The following ALOX12 variants were observed in gnomAD, a reference collection of about 807,000 sequenced individuals.
ALOX12 encodes arachidonate 12-lipoxygenase, 12S type, also known as polyunsaturated fatty acid lipoxygenase ALOX12.
In ALOX12, 62 loss-of-function variants were observed where a neutral mutation model predicts 85.5. The ratio of observed to expected loss-of-function variants is 0.73; its 90% CI spans 0.59 to 0.90. The LOEUF (loss-of-function observed/expected upper bound fraction) is 0.90. Among genes scored for constraint, ALOX12 ranks in the 40% least tolerant of loss-of-function variants. The pLI is 0.00. For missense variants in ALOX12, 751 were observed against 856.5 expected, an observed-to-expected ratio of 0.88 and a Z score of 1.54; for synonymous variants, 299 against 332.7, an observed-to-expected ratio of 0.90 and a Z score of 1.10.
Position 6,996,105 on chromosome 17 carries a change from G to C in ALOX12, c.-13G>C, listed in dbSNP as rs1908414144. On this transcript the variant is annotated 5_prime_UTR_variant, in exon 1 of 14. Transcript: ENST00000251535. ...GGACCCGGCTCCCCTCGCCTAAGCT[G>C]CTGGGGGGCGCCATGGGCCGCTACC... The C allele has an allele frequency of 3.2e-6, 4 of 1,247,538 alleles. No individual in the cohort carries two copies. Among genetic ancestry groups the C allele is most frequent in the Non-Finnish European group, 2.0e-6 (2 of 989,446 alleles). The allele number at this position is 1,247,538 out of a possible 1,614,324, so 77.3% of individuals were successfully genotyped here.
intron 7 of ALOX12, 35 bp from the exon 8 acceptor site, chr17:7,001,567 C>T (rs369334699): frequency 2.8e-5 from 43 of 1,548,412 alleles, no homozygotes; most frequent in African/African-American, 6.8e-5. Flanking sequence ...ATGTCATATA[C>T]GGAATGGGAG....
rs765223473 is a variant in ALOX12, at chr17:7,000,214, C to A, written c.808-122C>A. The A allele has an allele frequency of 1.7e-6, 2 of 1,185,708 alleles. No homozygotes were observed. Among genetic ancestry groups the A allele is most frequent in the Non-Finnish European group, 2.4e-6 (2 of 832,046 alleles). The allele number at this position is 1,185,708 out of a possible 1,614,324, so 73.4% of individuals were successfully genotyped here. On this transcript the variant is annotated intron_variant, in intron 6 of 13. Transcript: ENST00000251535. The surrounding 1 kb of genome is among the most constrained non-coding windows in gnomAD (Gnocchi z 4.6). Reference sequence around the variant, plus strand: ...GGACCAGGGGCTCTAGTTCTCCCAACAGGGCTCCGGTACTGATGCAGGAGA... The same window carrying A: ...GGACCAGGGGCTCTAGTTCTCCCAAAAGGGCTCCGGTACTGATGCAGGAGA...
chr17:7,009,482 G>A (rs1404045335), intron 11 of ALOX12: 1 of 417,892 alleles, frequency 2.4e-6, no homozygotes, highest in African/African-American at 2.0e-5. Context: ...TACAGACCAG[G>A]TGATTTTGAT....
At chr17:7,009,193 G>C (rs1316041654) in intron 11 of ALOX12, among the ~76,000 whole-genome samples, 1 of 151,686 alleles carries the variant, frequency 6.6e-6, no homozygotes, top group African/African-American at 2.4e-5. Flanking sequence ...CCGAGTACCT[G>C]GGACTACAGG....
Position 6,996,239 on chromosome 17 carries a change from C to CGG in ALOX12, c.122_123insGG (p.Glu45AlafsTer20). Reference sequence around the variant, plus strand: ...GCGGAGCTGGAGCTGCAGCTGCGGCCCGCGCGGGGCGAGGTCAGCGCGGGG... The same window carrying CGG: ...GCGGAGCTGGAGCTGCAGCTGCGGCCGGCGCGCGGGGCGAGGTCAGCGCGGGG... On this transcript the variant is annotated frameshift_variant, in exon 1 of 14. Coordinates refer to ENST00000251535, the MANE Select transcript of ALOX12 (RefSeq NM_000697.3). LOFTEE classifies it high-confidence loss of function. The CGG allele has an allele frequency of 8.0e-7, 1 of 1,246,516 alleles. No homozygotes were observed. Among genetic ancestry groups the CGG allele is most frequent in the Non-Finnish European group, 1.0e-6 (1 of 989,666 alleles). 77.2% of individuals were successfully genotyped at this position (1,246,516 alleles called of 1,614,324 possible). A position where few individuals can be genotyped will look rare whatever the true frequency, so the allele number is the denominator to read the frequency against.
intron 2 of ALOX12, among the ~76,000 whole-genome samples, chr17:6,997,431 A>G (rs1265329102): frequency 1.3e-5 from 2 of 152,166 alleles, no homozygotes; most frequent in Non-Finnish European, 2.9e-5. Context: ...GCAGACAGCT[A>G]AGGGAAGAAA....
chr17:6,996,783 C>G (rs41388649), intron 1 of ALOX12, 43 bp from the exon 2 acceptor site: 2 of 1,568,772 alleles, frequency 1.3e-6, no homozygotes, highest in Non-Finnish European at 1.7e-6. Flanking sequence ...CGGCCTCAGT[C>G]GGGTCCCTCC....
rs1908712115 is a variant in ALOX12 at position 7,001,585 on chromosome 17, A to T, written c.952-17A>T. The T allele has an allele frequency of 6.2e-7, 1 of 1,600,052 alleles. No individual in the cohort carries two copies. Among genetic ancestry groups the T allele is most frequent in the Non-Finnish European group, 8.6e-7 (1 of 1,167,714 alleles). ...TCATATACGGAATGGGAGTTCAATA[A>T]TTTCTCTTTCTCCCAGATTCAGCCT... On this transcript the variant is annotated splice_polypyrimidine_tract_variant and intron_variant, in intron 7 of 13. Transcript: ENST00000251535.
intron 8 of ALOX12, among the ~76,000 whole-genome samples, chr17:7,004,829 G>C (rs1444678078): frequency 6.6e-6 from 1 of 152,126 alleles, no homozygotes; most frequent in Non-Finnish European, 1.5e-5. Flanking sequence ...AAATCAGAAA[G>C]GGCTGATTCA....
intron 6 of ALOX12, among the ~76,000 whole-genome samples, chr17:6,999,876 C>T (rs1053544538): frequency 1.3e-5 from 2 of 152,064 alleles, no homozygotes; most frequent in Non-Finnish European, 1.5e-5. Flanking sequence ...AAAATGTGTG[C>T]GTATGCATGT....
At chr17:7,005,179 T>G in intron 8 of ALOX12, 78 bp from the exon 9 acceptor site, 2 of 1,269,238 alleles carry the variant, frequency 1.6e-6, no homozygotes. Flanking sequence ...GAAGGCGCCA[T>G]GCTGGGTGCC....
In ALOX12 at chr17:7,001,673, C is replaced by T; in HGVS notation, c.1023C>T (p.Leu341=). The change falls in exon 8 of 14, where the codon CTC becomes CTT. Residue 341 remains leucine (L), a synonymous_variant. Transcript: ENST00000251535. ...FLPSDPPLAW[L]LAKSWVRNSD... Reference sequence around the variant, plus strand: ...CCTCAGACCCCCCACTTGCCTGGCTCCTGGCAAAGTCCTGGGTCCGAAATT... The same window carrying T: ...CCTCAGACCCCCCACTTGCCTGGCTTCTGGCAAAGTCCTGGGTCCGAAATT... The T allele has an allele frequency of 6.2e-7, 1 of 1,614,206 alleles. No homozygotes were observed. The highest frequency in any genetic ancestry group is 8.5e-7 in the Non-Finnish European group (1 of 1,180,048).
At position 7,006,624 on chromosome 17, in the gene ALOX12, A is replaced by G. The variant is rs763037844; in HGVS notation, c.1540+17A>G. The G allele has an allele frequency of 1.3e-6, 2 of 1,560,986 alleles. No individual in the cohort carries two copies. The highest frequency in any genetic ancestry group is 1.7e-6 in the Non-Finnish European group (2 of 1,151,690). On this transcript the variant is annotated intron_variant, in intron 11 of 13. Coordinates refer to ENST00000251535, the MANE Select transcript of ALOX12 (RefSeq NM_000697.3). ...AGGACCGAGGTAAGATCCATTCTAGAGACAGAAGAAGCTCCTGGGAGACTC... is the reference window on the plus strand; with the variant it reads ...AGGACCGAGGTAAGATCCATTCTAGGGACAGAAGAAGCTCCTGGGAGACTC...
chr17:7,006,095 G>A, intron 10 of ALOX12, 68 bp downstream of exon 10: 1 of 733,424 alleles, frequency 1.4e-6, no homozygotes, highest in East Asian at 4.0e-5. Context: ...AGGCCAGCAT[G>A]GGGCAAAAGC....
rs1407846346 is a variant in ALOX12, at chr17:7,007,420, C to G, written c.1540+813C>G. On this transcript the variant is annotated intron_variant, in intron 11 of 13. Coordinates refer to ENST00000251535, the MANE Select transcript of ALOX12 (RefSeq NM_000697.3). ...ATCCTCTGCCTCTGTGAGACAACTA[C>G]AGACATTTACTGGGGAGCCCTTATG... is the stretch of plus-strand genomic sequence containing the variant. Among the ~76,000 whole-genome samples, 3 of 152,326 alleles carry G rather than the reference C, an allele frequency of 2.0e-5. No individual in the cohort carries two copies. In the South Asian group the frequency reaches 6.2e-4, roughly 32 times the overall value.
At chr17:6,996,794 T>A (rs1035681852) in intron 1 of ALOX12, 32 bp from the exon 2 acceptor site, 7 of 1,588,368 alleles carry the variant, frequency 4.4e-6, no homozygotes, top group Non-Finnish European at 6.0e-6. Context: ...GGGTCCCTCC[T>A]ACTAAGTCTG....
rs760758486 is a variant in ALOX12 at position 7,006,054 on chromosome 17, TGGGGCCGGG to T, written c.1418+32_1418+40del. On this transcript the variant is annotated intron_variant, in intron 10 of 13. Transcript: ENST00000251535. ...TGAGTAAGGAGGAGCTGAGAAATGG[TGGGGCCGGG>T]GGGGGGGGGGGCTCTGGCCTGAGGC... The T allele has an allele frequency of 3.7e-3, 9 of 2,432 alleles. 2 individuals carry two copies. The highest frequency in any genetic ancestry group is 0.013 in the African/African-American group (5 of 398). 0.2% of individuals were successfully genotyped at this position (2,432 alleles called of 1,614,324 possible).
rs1336974514 is a variant in ALOX12 at position 7,005,260 on chromosome 17, C to T, written c.1165C>T (p.Leu389=). 6.2e-7 allele frequency: 1 copy of T among 1,613,384 alleles called. No homozygotes were observed. Among genetic ancestry groups the T allele is most frequent in the Non-Finnish European group, 8.5e-7 (1 of 1,179,484 alleles). The change falls in exon 9 of 14, where the codon CTG becomes TTG. Residue 389 remains leucine, a synonymous_variant. Transcript: ENST00000251535. ...LPGLHPIFKF[L]IPHIRYTMEI... ...CCTCCAATCTCCTCCTCTCCAGTTC[C>T]TGATCCCCCATATCCGCTACACCAT... is the stretch of plus-strand genomic sequence containing the variant.
Position 6,999,352 on chromosome 17 carries a change from GT to G in ALOX12, c.695del (p.Phe232SerfsTer10), listed in dbSNP as rs759547635. 3 of 1,614,234 alleles carry G rather than the reference GT, an allele frequency of 1.9e-6. No homozygotes were observed. The highest frequency in any genetic ancestry group is 2.5e-6 in the Non-Finnish European group (3 of 1,180,028). On this transcript the variant is annotated frameshift_variant, in exon 6 of 14. Coordinates refer to ENST00000251535, the MANE Select transcript of ALOX12 (RefSeq NM_000697.3). LOFTEE classifies it high-confidence loss of function. ...WQDDELFSYQFLNGANPMLLR... is the reference protein window; with the variant it reads ...WQDDELFSYQXLNGANPMLLR... ...AGGATGATGAGTTGTTCAGCTACCA[GT>G]TCCTCAATGGTGCCAACCCCATGCT... is the stretch of plus-strand genomic sequence containing the variant.
Sources: allele counts gnomAD v4.1 joint callset (sites outside exome capture counted in the v4.1 genomes callset), GRCh38; gene constraint gnomAD v4.1.1; non-coding constraint Gnocchi (gnomAD v3.1); transcripts MANE v1.5; gene names NCBI Gene and HGNC (gene_info 2026-07-23, HGNC 2026-07-21).